RBM6: variants seen among roughly 807,000 people sequenced by gnomAD.
The protein encoded by RBM6 is RNA-binding protein 6.
A neutral mutation model predicts 140.4 loss-of-function variants in RBM6; 23 were observed. The ratio of observed to expected loss-of-function variants is 0.16; its 90% CI spans 0.12 to 0.23. RBM6 has a LOEUF of 0.23. Among genes scored for constraint, RBM6 ranks in the 10% least tolerant of loss-of-function variants. The pLI is 1.00. For missense variants in RBM6, 1,139 were observed against 1,386.7 expected, an observed-to-expected ratio of 0.82 and a Z score of 2.84; for synonymous variants, 439 against 475.6, an observed-to-expected ratio of 0.92 and a Z score of 1.00.
At chr3:50,033,448 TAATAAA>T (rs1433351086) in intron 6 of RBM6, among the ~76,000 whole-genome samples, 1 of 152,074 alleles carries the variant, frequency 6.6e-6, no homozygotes, top group Non-Finnish European at 1.5e-5. Context: ...AAATAAAATA[TAATAAA>T]AATGTTCACT....
chr3:49,977,457 GGATCTATCACT>G (rs1163377706), intron 5 of RBM6, among the ~76,000 whole-genome samples: 2 of 152,000 alleles, frequency 1.3e-5, no homozygotes, highest in African/African-American at 4.8e-5. Context: ...TTTTTCAGTT[GGATCTATCACT>G]GATCTATCAC....
intron 6 of RBM6, among the ~76,000 whole-genome samples, chr3:50,029,410 A>C (rs1301745372): frequency 1.3e-5 from 2 of 152,172 alleles, no homozygotes; most frequent in East Asian, 3.8e-4. Flanking sequence ...TACAAGAGAG[A>C]GGGCAGAATC....
chr3:50,063,622 C>T (rs2090019482), intron 15 of RBM6, among the ~76,000 whole-genome samples: 1 of 150,344 alleles, frequency 6.7e-6, no homozygotes, highest in African/African-American at 2.4e-5. Context: ...GAAAATCTGC[C>T]GGGCATGGTG....
intron 3 of RBM6, among the ~76,000 whole-genome samples, chr3:49,970,468 A>T (rs1456868983): frequency 1.3e-5 from 2 of 152,070 alleles, no homozygotes; most frequent in Non-Finnish European, 2.9e-5. Context: ...TGTCTTTGGG[A>T]GTTGACTCTT....
chr3:50,042,769 T>G (rs1210153665), intron 6 of RBM6, among the ~76,000 whole-genome samples: 1 of 151,960 alleles, frequency 6.6e-6, no homozygotes, highest in Non-Finnish European at 1.5e-5. Context: ...AAAAAGACTA[T>G]CCTTGATGAT....
chr3:50,054,319 T>C lies in RBM6; in HGVS notation c.1633-16T>C. 6.3e-7 allele frequency: 1 copy of C among 1,596,698 alleles called. No homozygotes were observed. Among genetic ancestry groups the C allele is most frequent in the Non-Finnish European group, 8.6e-7 (1 of 1,164,996 alleles). ...AAAAATGTTTTCAGTCAAATTGATT[T>C]CCTTCTTCCTTACAGTGTAAGGCAA... On this transcript the variant is annotated splice_polypyrimidine_tract_variant and intron_variant, in intron 7 of 20. Coordinates refer to ENST00000266022, the MANE Select transcript of RBM6 (RefSeq NM_005777.3).
Position 50,012,396 on chromosome 3 carries a change from C to T in RBM6, c.1557+12883C>T, listed in dbSNP as rs192893697. On this transcript the variant is annotated intron_variant, in intron 6 of 20. Coordinates refer to ENST00000266022, the MANE Select transcript of RBM6 (RefSeq NM_005777.3). ...TTTTTGAGATAGAGCCTCACTCTGT[C>T]GCCCAGGCTGGAGTGCAGTGGCGTG... Among the ~76,000 whole-genome samples, 1,028 of 150,972 alleles carry T rather than the reference C, an allele frequency of 6.8e-3. 15 individuals are homozygous for T. Among genetic ancestry groups the T allele is most frequent in the South Asian group, 0.042 (198 of 4,762 alleles).
chr3:49,995,266 TAA>T (rs34447528), intron 5 of RBM6, among the ~76,000 whole-genome samples: 5 of 151,422 alleles, frequency 3.3e-5, no homozygotes, highest in African/African-American at 1.2e-4. Context: ...CTCATTTGCC[TAA>T]AAAAAAATAT....
intron 1 of RBM6, among the ~76,000 whole-genome samples, chr3:49,950,261 C>G (rs1258139266): frequency 1.3e-5 from 2 of 152,052 alleles, no homozygotes; most frequent in Non-Finnish European, 2.9e-5. Flanking sequence ...GTGTTTAAAG[C>G]AGGATCAAGC....
intron 20 of RBM6, 146 bp from the exon 21 acceptor site, chr3:50,076,862 C>A (rs1051522752): frequency 1.4e-6 from 1 of 703,602 alleles, no homozygotes; most frequent in Admixed American, 3.8e-5. Flanking sequence ...CTAGCCCGGG[C>A]GACAGAGCAT....
At chr3:49,965,669 CAAA>C (rs764237339) in intron 2 of RBM6, among the ~76,000 whole-genome samples, 2 of 107,940 alleles carry the variant, frequency 1.9e-5, no homozygotes, top group East Asian at 2.7e-4. Context: ...GACTCCGTCT[CAAA>C]AAAAAAAAAA....
At chr3:50,031,613 G>A (rs1180358441) in intron 6 of RBM6, among the ~76,000 whole-genome samples, 2 of 151,970 alleles carry the variant, frequency 1.3e-5, no homozygotes, top group African/African-American at 4.8e-5. Flanking sequence ...ATAGCATTAG[G>A]AGATATACTT....
At chr3:50,064,538 G>GTC (rs2090052423) in intron 15 of RBM6, among the ~76,000 whole-genome samples, 1 of 151,902 alleles carries the variant, frequency 6.6e-6, no homozygotes, top group Non-Finnish European at 1.5e-5. Context: ...TTGAGACAGA[G>GTC]TCTCTCTCTG....
intron 5 of RBM6, among the ~76,000 whole-genome samples, chr3:49,987,471 A>G (rs745810615): frequency 1.3e-5 from 2 of 151,814 alleles, no homozygotes; most frequent in Non-Finnish European, 2.9e-5. Flanking sequence ...GCCCGCCACT[A>G]CGCCCAGCTA....
At chr3:50,061,315 T>C (rs1371052220) in intron 13 of RBM6, 94 bp downstream of exon 13, 1 of 1,598,928 alleles carries the variant, frequency 6.3e-7, no homozygotes, top group Non-Finnish European at 8.5e-7. Context: ...CAAGATACAC[T>C]GTTGACTGAG....
intron 18 of RBM6, among the ~76,000 whole-genome samples, chr3:50,069,378 G>A (rs2090222249): frequency 1.3e-5 from 2 of 151,940 alleles, no homozygotes; most frequent in South Asian, 4.2e-4. Context: ...GTGGACATGG[G>A]GTGTGTGCCT....
intron 7 of RBM6, 93 bp from the exon 8 acceptor site, chr3:50,054,242 G>A: frequency 1.0e-6 from 1 of 1,004,800 alleles, no homozygotes; most frequent in Non-Finnish European, 1.5e-6. Context: ...GATATGGCTT[G>A]TTTCTTTCAT....
chr3:50,011,424 T>G (rs2086845628), intron 6 of RBM6, among the ~76,000 whole-genome samples: 1 of 152,190 alleles, frequency 6.6e-6, no homozygotes, highest in Admixed American at 6.6e-5. Context: ...TATTTTGAAG[T>G]AGACCGAAAA....
intron 6 of RBM6, among the ~76,000 whole-genome samples, chr3:50,004,474 ATT>A (rs1182296633): frequency 7.7e-5 from 8 of 103,302 alleles, no homozygotes; most frequent in Admixed American, 1.0e-4. Context: ...ACAGCTGGCT[ATT>A]TTTTTTTTTT....
Sources: allele counts gnomAD v4.1 joint callset (sites outside exome capture counted in the v4.1 genomes callset), GRCh38; gene constraint gnomAD v4.1.1; transcripts MANE v1.5; gene names NCBI Gene and HGNC (gene_info 2026-07-23, HGNC 2026-07-21).